FYB2: variants seen among roughly 807,000 people sequenced by gnomAD.
FYB2 encodes FYN-binding protein 2.
A neutral mutation model predicts 94.1 loss-of-function variants in FYB2; 103 were observed. The ratio of observed to expected loss-of-function variants is 1.09; its 90% confidence interval spans 0.93 to 1.29. FYB2 has a LOEUF of 1.29. Ranked by LOEUF, FYB2 falls within the 50% of genes most tolerant of loss-of-function variation. The pLI is 0.00. For synonymous variants in FYB2, 293 were observed against 287.9 expected (o/e 1.02, Z -0.18); for missense variants, 896 against 841.5 (o/e 1.06, Z -0.80).
intron 2 of FYB2, among the ~76,000 whole-genome samples, chr1:56,790,388 A>G (rs1267976939): frequency 6.6e-6 from 1 of 152,246 alleles, no homozygotes; most frequent in East Asian, 1.9e-4. Context: ...GGAAGAAGAC[A>G]TAGTGAATAC....
At chr1:56,804,872 C>T (rs1413565898) in intron 1 of FYB2, among the ~76,000 whole-genome samples, 1 of 152,196 alleles carries the variant, frequency 6.6e-6, no homozygotes, top group Non-Finnish European at 1.5e-5. Flanking sequence ...AAGGTCTTCT[C>T]TGATCTTTTC....
chr1:56,756,070 A>C, intron 6 of FYB2, 143 bp from the exon 7 acceptor site: 2 of 663,348 alleles, frequency 3.0e-6, no homozygotes, highest in Non-Finnish European at 2.5e-6. Flanking sequence ...CTGACCACAG[A>C]AAGTTCCAGG....
chr1:56,794,925 A>G (rs575522986), intron 1 of FYB2, among the ~76,000 whole-genome samples: 6 of 152,212 alleles, frequency 3.9e-5, no homozygotes, highest in Middle Eastern at 3.4e-3. Context: ...TGTAAGAATC[A>G]AATGAGATAA....
chr1:56,759,457 T>C (rs1032945920), intron 5 of FYB2, among the ~76,000 whole-genome samples: 5 of 152,154 alleles, frequency 3.3e-5, no homozygotes, highest in African/African-American at 9.7e-5. Context: ...CATAGCATGT[T>C]ACTGTACTGA....
At chr1:56,781,902 G>A (rs994472009) in intron 4 of FYB2, among the ~76,000 whole-genome samples, 1 of 152,012 alleles carries the variant, frequency 6.6e-6, no homozygotes, top group Non-Finnish European at 1.5e-5. Flanking sequence ...TTCTTTCCTG[G>A]GATGTTCATC....
chr1:56,728,427 T>C (rs1348429188), intron 15 of FYB2, among the ~76,000 whole-genome samples: 1 of 152,108 alleles, frequency 6.6e-6, no homozygotes, highest in Admixed American at 6.6e-5. Context: ...GATACAGATA[T>C]GAAAGCCACA....
chr1:56,722,513 G>T (rs929522056), intron 17 of FYB2, among the ~76,000 whole-genome samples: 5 of 152,062 alleles, frequency 3.3e-5, no homozygotes. Flanking sequence ...AGTCTTCCTG[G>T]AGAAGAGGAG....
In FYB2 at chr1:56,815,202, C is replaced by T. The variant is rs147723045; in HGVS notation, c.9+4080G>A. On this transcript the variant is annotated intron_variant, in intron 1 of 19. Coordinates refer to ENST00000343433, the MANE Select transcript of FYB2 (RefSeq NM_001004303.5). ...TGCCATATTACCCATCTCTGCTGCT[C>T]CGCCCATGCTCTCCCTTCTGCCTTC... Among the ~76,000 whole-genome samples, 245 of 152,212 alleles carry T rather than the reference C, an allele frequency of 1.6e-3. 2 individuals are homozygous for T. Among genetic ancestry groups the T allele is most frequent in the Middle Eastern group, 6.8e-3 (2 of 294 alleles).
chr1:56,799,787 G>A (rs1162290925), intron 1 of FYB2, among the ~76,000 whole-genome samples: 1 of 152,144 alleles, frequency 6.6e-6, no homozygotes, highest in African/African-American at 2.4e-5. Flanking sequence ...GGGCTGCTAG[G>A]TAACCCTCTC....
chr1:56,764,229 C>G (rs969024952), intron 5 of FYB2, among the ~76,000 whole-genome samples: 1 of 152,148 alleles, frequency 6.6e-6, no homozygotes, highest in African/African-American at 2.4e-5. Context: ...GCTGGGATTA[C>G]AGGTGTGAGG....
intron 9 of FYB2, among the ~76,000 whole-genome samples, chr1:56,747,444 C>T (rs1454326923): frequency 6.6e-6 from 1 of 151,866 alleles, no homozygotes; most frequent in African/African-American, 2.4e-5. Flanking sequence ...ATGTGATGTT[C>T]CCTTCCCTGT....
intron 1 of FYB2, among the ~76,000 whole-genome samples, chr1:56,802,452 C>A (rs1238293903): frequency 6.6e-6 from 1 of 152,092 alleles, no homozygotes; most frequent in Non-Finnish European, 1.5e-5. Context: ...TTCAGGAAAT[C>A]CTTCCTAAAG....
intron 4 of FYB2, among the ~76,000 whole-genome samples, chr1:56,777,605 C>A (rs986681541): frequency 2.0e-5 from 3 of 152,136 alleles, no homozygotes; most frequent in Admixed American, 6.5e-5. Flanking sequence ...TAAGTCCATT[C>A]TATTCTTCAG....
chr1:56,726,634 C>A (rs967839402), intron 15 of FYB2, 51 bp from the exon 16 acceptor site: 1 of 1,455,100 alleles, frequency 6.9e-7, no homozygotes, highest in Non-Finnish European at 9.5e-7. Context: ...ATTATATATT[C>A]ATGGAACCAT....
chr1:56,819,362 G>T lies in FYB2; in HGVS notation c.-72C>A, dbSNP rs987310598. 6.3e-6 allele frequency: 10 copies of T among 1,592,570 alleles called. No individual in the cohort carries two copies. Among genetic ancestry groups the T allele is most frequent in the East Asian group, 2.2e-5 (1 of 44,768 alleles). ...AGCTGGGTCCTGGGGCCAACAATCC[G>T]CTTTCCTCTGTCTCTGCTAGCCAGG... On this transcript the variant is annotated 5_prime_UTR_variant, in exon 1 of 20. Transcript: ENST00000343433.
chr1:56,802,341 A>C (rs573077802), intron 1 of FYB2, among the ~76,000 whole-genome samples: 3 of 152,228 alleles, frequency 2.0e-5, no homozygotes, highest in Non-Finnish European at 4.4e-5. Context: ...GAAACACTTC[A>C]TCCCCATTTA....
intron 1 of FYB2, among the ~76,000 whole-genome samples, chr1:56,811,638 G>T (rs1646769411): frequency 6.6e-6 from 1 of 152,216 alleles, no homozygotes; most frequent in African/African-American, 2.4e-5. Context: ...CAAGAGAAAT[G>T]TATTGCCTTA....
At chr1:56,745,559 A>G (rs1645048779) in intron 9 of FYB2, among the ~76,000 whole-genome samples, 1 of 152,000 alleles carries the variant, frequency 6.6e-6, no homozygotes, top group Non-Finnish European at 1.5e-5. Context: ...TTCCGATTTC[A>G]AATACATCTC....
At chr1:56,753,584 T>C (rs138965203) in intron 8 of FYB2, among the ~76,000 whole-genome samples, 1,852 of 152,170 alleles carry the variant, frequency 0.012, 24 homozygotes, top group Non-Finnish European at 0.019. Flanking sequence ...TGCCTTATAG[T>C]TTGCACCCTG....
Sources: allele counts gnomAD v4.1 joint callset (sites outside exome capture counted in the v4.1 genomes callset), GRCh38; gene constraint gnomAD v4.1.1; transcripts MANE v1.5; gene names NCBI Gene and HGNC (gene_info 2026-07-23, HGNC 2026-07-21).